Variants in MED12L observed in about 807,000 individuals in gnomAD.
MED12L encodes mediator of RNA polymerase II transcription subunit 12-like protein.
Under a neutral mutation model 281.3 loss-of-function variants are expected in MED12L, and 60 were observed. The ratio of observed to expected loss-of-function variants is 0.21; its 90% CI spans 0.17 to 0.26. The LOEUF (loss-of-function observed/expected upper bound fraction) is 0.26, where lower values mean the gene tolerates loss of function less well. MED12L is among the 10% of genes least tolerant of loss of function. The pLI is 1.00. For synonymous variants in MED12L, 974 were observed against 987.2 expected (o/e 0.99, Z 0.25); for missense variants, 2,146 against 2,680.9 (o/e 0.80, Z 4.41).
chr3:151,337,085 C>T (rs1212533335), intron 16 of MED12L: 4 of 151,836 alleles, frequency 2.6e-5, no homozygotes, highest in African/African-American at 9.7e-5. Context: ...ATTAGTAAAA[C>T]TAGTTTCTCT....
At chr3:151,243,486 T>A (rs1379140344) in intron 16 of MED12L, among the ~76,000 whole-genome samples, 1 of 152,218 alleles carries the variant, frequency 6.6e-6, no homozygotes, top group African/African-American at 2.4e-5. Flanking sequence ...ACAAGAATTT[T>A]CAACCTGGAA....
At chr3:151,344,385 A>G (rs1312760948) in intron 16 of MED12L, among the ~76,000 whole-genome samples, 4 of 152,104 alleles carry the variant, frequency 2.6e-5, no homozygotes, top group African/African-American at 9.7e-5. Flanking sequence ...CCCAGGCTCG[A>G]AGCTTATTCC....
chr3:151,354,744 A>T (rs1485973175), intron 17 of MED12L, among the ~76,000 whole-genome samples: 1 of 152,254 alleles, frequency 6.6e-6, no homozygotes, highest in Non-Finnish European at 1.5e-5. Flanking sequence ...TTTTTAGAAC[A>T]CATTAAAATT....
At chr3:151,153,847 G>A (rs1276654785) in intron 5 of MED12L, among the ~76,000 whole-genome samples, 1 of 152,102 alleles carries the variant, frequency 6.6e-6, no homozygotes, top group Non-Finnish European at 1.5e-5. Flanking sequence ...AGGATTACAG[G>A]TGTGAGCTAC....
chr3:151,086,355 CG>C (rs1014606377), intron 1 of MED12L: 8 of 152,788 alleles, frequency 5.2e-5, no homozygotes, highest in African/African-American at 1.4e-4. Context: ...CGCGTGGCGG[CG>C]GGGGAAGGGT....
chr3:151,354,159 A>C (rs925335492), intron 17 of MED12L, among the ~76,000 whole-genome samples: 16 of 150,686 alleles, frequency 1.1e-4, no homozygotes, highest in Non-Finnish European at 1.8e-4. Flanking sequence ...AAAAAAAAAA[A>C]AAAAAGAATC....
At chr3:151,272,367 A>G (rs1053930542) in intron 16 of MED12L, among the ~76,000 whole-genome samples, 7 of 152,238 alleles carry the variant, frequency 4.6e-5, no homozygotes, top group South Asian at 2.1e-4. Flanking sequence ...TCTACTCAGT[A>G]TATCATTCCC....
At chr3:151,327,754 GAA>G (rs896145812) in intron 16 of MED12L, 3 of 314,170 alleles carry the variant, frequency 9.5e-6, no homozygotes, top group Non-Finnish European at 1.1e-5. Flanking sequence ...AAAAAAGAAA[GAA>G]AGAAATAATG....
chr3:151,398,136 G>A (rs897895192), intron 39 of MED12L, among the ~76,000 whole-genome samples: 2 of 152,184 alleles, frequency 1.3e-5, no homozygotes, highest in African/African-American at 2.4e-5. Context: ...GGAGCCTAAA[G>A]TTTCTTAGTA....
At chr3:151,247,688 C>G (rs1735915408) in intron 16 of MED12L, among the ~76,000 whole-genome samples, 5 of 147,108 alleles carry the variant, frequency 3.4e-5, no homozygotes, top group Admixed American at 2.7e-4. Context: ...GTGCAGTGCA[C>G]CAGCATGGCA....
chr3:151,168,732 G>A (rs1721023042), intron 11 of MED12L, among the ~76,000 whole-genome samples: 1 of 152,190 alleles, frequency 6.6e-6, no homozygotes, highest in African/African-American at 2.4e-5. Flanking sequence ...TTCCAAGACA[G>A]TCTCAGTCTG....
chr3:151,231,963 C>T (rs1228139893), intron 16 of MED12L, among the ~76,000 whole-genome samples: 1 of 151,942 alleles, frequency 6.6e-6, no homozygotes, highest in East Asian at 1.9e-4. Flanking sequence ...GCTTTTTTTG[C>T]TGATATATGC....
chr3:151,250,644 A>G (rs1736673274), intron 16 of MED12L, among the ~76,000 whole-genome samples: 1 of 152,212 alleles, frequency 6.6e-6, no homozygotes, highest in Admixed American at 6.5e-5. Context: ...CTCTATGTAT[A>G]TACCACATTT....
chr3:151,356,367 A>G (rs1753924002), intron 19 of MED12L, among the ~76,000 whole-genome samples: 1 of 152,142 alleles, frequency 6.6e-6, no homozygotes. Flanking sequence ...ACTCAAGCCT[A>G]TGGGACAGTG....
At chr3:151,156,743 A>C (rs1719340461) in intron 6 of MED12L, among the ~76,000 whole-genome samples, 2 of 152,200 alleles carry the variant, frequency 1.3e-5, no homozygotes, top group Admixed American at 1.3e-4. Flanking sequence ...CTGAAAATAC[A>C]AACAGAGCTG....
intron 5 of MED12L, among the ~76,000 whole-genome samples, chr3:151,143,974 A>G (rs1379935953): frequency 6.6e-6 from 1 of 152,234 alleles, no homozygotes; most frequent in Non-Finnish European, 1.5e-5. Flanking sequence ...ACTCAGGTAT[A>G]TATAGAAATC....
At chr3:151,338,862 A>G (rs763003106) in intron 16 of MED12L, 6 of 1,608,064 alleles carry the variant, frequency 3.7e-6, no homozygotes, top group Non-Finnish European at 5.1e-6. Flanking sequence ...TTGGTTACCT[A>G]GAGAACAAAA....
At chr3:151,153,501 C>A (rs957887699) in intron 5 of MED12L, among the ~76,000 whole-genome samples, 5 of 151,956 alleles carry the variant, frequency 3.3e-5, no homozygotes, top group African/African-American at 9.7e-5. Context: ...ATTTTCTACC[C>A]CTGAACATTC....
chr3:151,334,672 A>AT (rs1291842784), intron 16 of MED12L, among the ~76,000 whole-genome samples: 3 of 151,482 alleles, frequency 2.0e-5, no homozygotes, highest in Non-Finnish European at 2.9e-5. Flanking sequence ...GCTAATTTTT[A>AT]TTTTTTTAGT....
Sources: gnomAD v4.1 joint callset for allele counts (sites outside exome capture counted in the v4.1 genomes callset) on GRCh38, gnomAD v4.1.1 for gene constraint, MANE v1.5 for transcripts, NCBI Gene and HGNC (gene_info 2026-07-23, HGNC 2026-07-21) for gene names.